SGCZ: variants seen among roughly 807,000 people sequenced by gnomAD.
The protein encoded by SGCZ is sarcoglycan zeta.
A neutral mutation model predicts 41.3 loss-of-function variants in SGCZ; 40 were observed. The ratio of observed to expected loss-of-function variants is 0.97; its 90% CI spans 0.75 to 1.26. SGCZ has a LOEUF of 1.26. Among genes scored for constraint, SGCZ ranks in the 50% most tolerant of loss-of-function variants. The probability of loss-of-function intolerance (pLI) is 0.00; values close to 1 mark genes in which losing one functional copy is unlikely to be tolerated. For missense variants in SGCZ, 552 were observed against 369.8 expected (o/e 1.49, Z -4.04); for synonymous variants, 206 against 137.5 (o/e 1.50, Z -3.49).
chr8:14,276,524 T>C (rs1051391497), intron 3 of SGCZ, among the ~76,000 whole-genome samples: 9 of 152,176 alleles, frequency 5.9e-5, no homozygotes, highest in Non-Finnish European at 8.8e-5. Context: ...CCTCAACTGT[T>C]AATAATTCTA....
intron 1 of SGCZ, among the ~76,000 whole-genome samples, chr8:14,914,740 A>G (rs1799376988): frequency 6.6e-6 from 1 of 152,214 alleles, no homozygotes; most frequent in African/African-American, 2.4e-5. Flanking sequence ...AAGAAAACAG[A>G]TGTTCCACAA....
chr8:14,452,075 A>G (rs1800610525), intron 2 of SGCZ, among the ~76,000 whole-genome samples: 1 of 152,250 alleles, frequency 6.6e-6, no homozygotes, highest in South Asian at 2.1e-4. Context: ...CTTGGAAATA[A>G]TCAAGATGTC....
chr8:14,539,730 T>A (rs1803402045), intron 2 of SGCZ, among the ~76,000 whole-genome samples: 1 of 149,050 alleles, frequency 6.7e-6, no homozygotes, highest in Non-Finnish European at 1.5e-5. Context: ...CAGTGTGTGT[T>A]GTTCCCCTCT....
chr8:14,531,969 A>G (rs1279757519), intron 2 of SGCZ, among the ~76,000 whole-genome samples: 2 of 152,176 alleles, frequency 1.3e-5, no homozygotes, highest in African/African-American at 2.4e-5. Context: ...CATATAAAAC[A>G]TAAATTAAAA....
At chr8:14,417,649 A>T (rs184042269) in intron 2 of SGCZ, among the ~76,000 whole-genome samples, 1 of 152,004 alleles carries the variant, frequency 6.6e-6, no homozygotes, top group East Asian at 1.9e-4. Flanking sequence ...ATAACGATAC[A>T]GCATGATGAC....
chr8:14,133,436 G>A (rs990604561), intron 5 of SGCZ, among the ~76,000 whole-genome samples: 1 of 152,128 alleles, frequency 6.6e-6, no homozygotes, highest in Non-Finnish European at 1.5e-5. Context: ...ATGAAACAGA[G>A]AAGAGCATCT....
intron 1 of SGCZ, among the ~76,000 whole-genome samples, chr8:14,624,230 A>T (rs565028644): frequency 2.8e-4 from 43 of 152,216 alleles, no homozygotes; most frequent in South Asian, 1.2e-3. Flanking sequence ...AACAAAGCCA[A>T]AATAAACTAC....
intron 1 of SGCZ, among the ~76,000 whole-genome samples, chr8:15,002,801 G>A (rs760790425): frequency 6.6e-6 from 1 of 152,124 alleles, no homozygotes; most frequent in African/African-American, 2.4e-5. Context: ...TATGCCAGCT[G>A]ATATGATTTG....
intron 1 of SGCZ, among the ~76,000 whole-genome samples, chr8:15,157,376 G>T (rs116191492): frequency 0.011 from 1,741 of 151,474 alleles, 38 homozygotes; most frequent in African/African-American, 0.039. Flanking sequence ...TGCAGATTAC[G>T]CCACTGTACT....
At chr8:15,119,482 T>C (rs1184739616) in intron 1 of SGCZ, among the ~76,000 whole-genome samples, 1 of 151,464 alleles carries the variant, frequency 6.6e-6, no homozygotes, top group African/African-American at 2.4e-5. Flanking sequence ...CAATGAGCCA[T>C]GGTCATGCCA....
At chr8:14,179,594 G>C (rs1173938236) in intron 4 of SGCZ, among the ~76,000 whole-genome samples, 1 of 152,218 alleles carries the variant, frequency 6.6e-6, no homozygotes, top group South Asian at 2.1e-4. Flanking sequence ...TACAAATCAG[G>C]AGACTGCTCT....
chr8:14,462,782 C>T (rs1241635712), intron 2 of SGCZ, among the ~76,000 whole-genome samples: 4 of 151,702 alleles, frequency 2.6e-5, no homozygotes, highest in Non-Finnish European at 5.9e-5. Context: ...GGATAAGGAT[C>T]GCATTGAATC....
chr8:15,147,423 C>A (rs1799065291), intron 1 of SGCZ, among the ~76,000 whole-genome samples: 1 of 152,140 alleles, frequency 6.6e-6, no homozygotes, highest in South Asian at 2.1e-4. Flanking sequence ...GGATTACAGG[C>A]ATGCACCACC....
chr8:14,816,241 C>G (rs1459670043), intron 1 of SGCZ, among the ~76,000 whole-genome samples: 1 of 152,256 alleles, frequency 6.6e-6, no homozygotes, highest in Middle Eastern at 3.4e-3. Context: ...AGTGGTTATT[C>G]GTTTGAGCAG....
intron 2 of SGCZ, among the ~76,000 whole-genome samples, chr8:14,547,696 T>A (rs916126255): frequency 6.6e-6 from 1 of 152,124 alleles, no homozygotes; most frequent in Non-Finnish European, 1.5e-5. Flanking sequence ...CATCACCATT[T>A]TACAGATGAA....
chr8:15,180,140 T>C (rs529658696), intron 1 of SGCZ, among the ~76,000 whole-genome samples: 1 of 152,300 alleles, frequency 6.6e-6, no homozygotes, highest in African/African-American at 2.4e-5. Context: ...ACCCTAGTCA[T>C]GATAACAAGG....
intron 2 of SGCZ, among the ~76,000 whole-genome samples, chr8:14,339,307 C>T (rs866842115): frequency 1.3e-5 from 2 of 152,182 alleles, no homozygotes; most frequent in Non-Finnish European, 2.9e-5. Flanking sequence ...AGAGAAAGAA[C>T]ACCTCTTCTC....
chr8:14,217,304 A>G (rs1806032610), intron 4 of SGCZ, among the ~76,000 whole-genome samples: 1 of 151,088 alleles, frequency 6.6e-6, no homozygotes, highest in Non-Finnish European at 1.5e-5. Flanking sequence ...TCAAAAAAAA[A>G]AAAAAAAAAA....
chr8:14,576,864 T>C (rs1194955137), intron 1 of SGCZ, among the ~76,000 whole-genome samples: 1 of 152,178 alleles, frequency 6.6e-6, no homozygotes, highest in African/African-American at 2.4e-5. Flanking sequence ...ATTGCAGTCC[T>C]CTCCTTGTAA....
Sources: allele counts gnomAD v4.1 joint callset (sites outside exome capture counted in the v4.1 genomes callset), GRCh38; gene constraint gnomAD v4.1.1; transcripts MANE v1.5; gene names NCBI Gene and HGNC (gene_info 2026-07-23, HGNC 2026-07-21).